The following DOCK4 variants were observed in gnomAD, a reference collection of about 807,000 sequenced individuals.
DOCK4 encodes the protein dedicator of cytokinesis protein 4.
A neutral mutation model predicts 268.1 loss-of-function variants in DOCK4; 97 were observed. The ratio of observed to expected loss-of-function variants is 0.36; its 90% CI spans 0.31 to 0.43. The LOEUF (loss-of-function observed/expected upper bound fraction) is 0.43, where lower values mean the gene tolerates loss of function less well. Among genes scored for constraint, DOCK4 ranks in the 20% least tolerant of loss-of-function variants. The probability of loss-of-function intolerance (pLI) is 1.00; values close to 1 mark genes in which losing one functional copy is unlikely to be tolerated. For synonymous variants in DOCK4, 954 were observed against 887.2 expected, an observed-to-expected ratio of 1.08 and a Z score of -1.34; for missense variants, 2,145 against 2,455.7, an observed-to-expected ratio of 0.87 and a Z score of 2.67.
intron 11 of DOCK4, among the ~76,000 whole-genome samples, chr7:111,936,526 A>T (rs1397793052): frequency 1.3e-5 from 2 of 152,024 alleles, no homozygotes; most frequent in Non-Finnish European, 2.9e-5. Context: ...GGATGGATGG[A>T]TGGACGGATG....
intron 1 of DOCK4, among the ~76,000 whole-genome samples, chr7:112,191,519 C>T (rs1234724774): frequency 6.6e-6 from 1 of 152,032 alleles, no homozygotes; most frequent in African/African-American, 2.4e-5. Flanking sequence ...AGTAAAAAGA[C>T]AACGTGGGGA....
At chr7:111,856,252 A>C (rs1274039833) in intron 23 of DOCK4, among the ~76,000 whole-genome samples, 1 of 152,238 alleles carries the variant, frequency 6.6e-6, no homozygotes, top group Non-Finnish European at 1.5e-5. Flanking sequence ...GAAACATAGT[A>C]AGAGAACTAA....
chr7:111,907,901 G>T (rs575548090), intron 13 of DOCK4, among the ~76,000 whole-genome samples: 102 of 152,030 alleles, frequency 6.7e-4, no homozygotes, highest in Middle Eastern at 3.4e-3. Context: ...GCTAATTTTT[G>T]TATTTTTTGT....
chr7:111,836,651 G>A (rs1803265488), intron 25 of DOCK4, among the ~76,000 whole-genome samples: 1 of 152,148 alleles, frequency 6.6e-6, no homozygotes, highest in Admixed American at 6.5e-5. Flanking sequence ...CTAGAGGAAA[G>A]ACTGAATATG....
At chr7:111,835,583 T>C (rs961166124) in intron 25 of DOCK4, among the ~76,000 whole-genome samples, 1 of 152,228 alleles carries the variant, frequency 6.6e-6, no homozygotes, top group Non-Finnish European at 1.5e-5. Context: ...AGCAAAGAAT[T>C]TATCTACTTT....
At chr7:111,926,299 G>A (rs575268577) in intron 12 of DOCK4, among the ~76,000 whole-genome samples, 159 of 145,124 alleles carry the variant, frequency 1.1e-3, no homozygotes, top group Middle Eastern at 3.6e-3. Context: ...GCATGGTGGC[G>A]CGCCGCCTGT....
chr7:112,092,038 C>G (rs935525120), intron 1 of DOCK4, among the ~76,000 whole-genome samples: 1 of 152,152 alleles, frequency 6.6e-6, no homozygotes, highest in Admixed American at 6.5e-5. Flanking sequence ...TAAGCAACCA[C>G]AGAGGCTTTT....
chr7:111,937,793 C>T (rs1794863277), intron 11 of DOCK4, among the ~76,000 whole-genome samples: 1 of 152,172 alleles, frequency 6.6e-6, no homozygotes, highest in African/African-American at 2.4e-5. Flanking sequence ...CAGTCCTGAC[C>T]TCAAATCTGC....
chr7:112,134,403 A>G (rs940341700), intron 1 of DOCK4, among the ~76,000 whole-genome samples: 6 of 152,170 alleles, frequency 3.9e-5, no homozygotes, highest in African/African-American at 1.4e-4. Flanking sequence ...GTTTTTACTT[A>G]TGTCTTTAAA....
At chr7:111,819,353 CTT>C (rs1360491456) in intron 27 of DOCK4, 1 of 152,210 alleles carries the variant, frequency 6.6e-6, no homozygotes, top group Non-Finnish European at 1.5e-5. Flanking sequence ...TAATTTTCAT[CTT>C]CCTTATGTTC....
chr7:111,921,287 G>A (rs1041134226), intron 12 of DOCK4, among the ~76,000 whole-genome samples: 2 of 152,152 alleles, frequency 1.3e-5, no homozygotes, highest in Non-Finnish European at 2.9e-5. Context: ...TTCAGCTTAC[G>A]GAGTGGTAGT....
intron 39 of DOCK4, 25 bp downstream of exon 39, chr7:111,765,093 G>T: frequency 3.3e-6 from 4 of 1,214,528 alleles, no homozygotes; most frequent in East Asian, 2.7e-5. Flanking sequence ...AGCTGTGAAA[G>T]CAAATTAAAT....
chr7:111,736,842 A>G (rs1316708525), intron 50 of DOCK4, 75 bp downstream of exon 50: 1 of 1,340,546 alleles, frequency 7.5e-7, no homozygotes, highest in Non-Finnish European at 1.0e-6. Flanking sequence ...CCACACAGAC[A>G]CACAGAAGAC....
intron 9 of DOCK4, 123 bp from the exon 10 acceptor site, chr7:111,944,994 T>C (rs1795505826): frequency 1.3e-6 from 1 of 778,838 alleles, no homozygotes; most frequent in Non-Finnish European, 2.2e-6. Context: ...GGAATGTTTG[T>C]AGCAGAAGTA....
chr7:111,953,163 G>A (rs1211114957), intron 8 of DOCK4, among the ~76,000 whole-genome samples: 1 of 151,490 alleles, frequency 6.6e-6, no homozygotes, highest in Non-Finnish European at 1.5e-5. Context: ...GGAGGCAGAG[G>A]TTGCAATGAG....
chr7:112,086,399 T>C (rs1469036570), intron 1 of DOCK4, among the ~76,000 whole-genome samples: 2 of 152,072 alleles, frequency 1.3e-5, no homozygotes, highest in African/African-American at 4.8e-5. Flanking sequence ...AATAGCTAAG[T>C]TTGGGAAAGG....
Position 111,758,775 on chromosome 7 carries a change from G to C in DOCK4, c.4178C>G (p.Ala1393Gly), listed in dbSNP as rs773286846. Residue 1393 changes from alanine (A) to glycine (G), a missense_variant, in exon 41 of 53, where the codon GCT becomes GGT. Ala to Gly is a moderately conservative substitution (Grantham distance 60). Coordinates refer to ENST00000428084, the MANE Select transcript of DOCK4 (RefSeq NM_001363540.2). The stretch of plus-strand genomic sequence containing the variant: ...CTGGCTCTCTGGAATGGGAGTCACA[G>C]CATATATCTGCAAATCTAGGATTCA... ...QAEAQYLQIY[A>G]VTPIPESQEV... is the part of the protein sequence containing the mutation. The C allele has an allele frequency of 6.2e-7, 1 of 1,613,640 alleles. No homozygotes were observed. The highest frequency in any genetic ancestry group is 1.3e-5 in the African/African-American group (1 of 74,912).
At chr7:111,894,925 T>C (rs1390494292) in intron 16 of DOCK4, among the ~76,000 whole-genome samples, 3 of 152,104 alleles carry the variant, frequency 2.0e-5, no homozygotes, top group South Asian at 2.1e-4. Flanking sequence ...CCAGTTATCA[T>C]AGGTGAGAGT....
chr7:111,896,626 T>A (rs1447087949), intron 15 of DOCK4, among the ~76,000 whole-genome samples: 1 of 152,130 alleles, frequency 6.6e-6, no homozygotes, highest in Non-Finnish European at 1.5e-5. Context: ...ATGGTTACTC[T>A]TTCACAAGTG....
Sources: allele counts gnomAD v4.1 joint callset (sites outside exome capture counted in the v4.1 genomes callset), GRCh38; gene constraint gnomAD v4.1.1; transcripts MANE v1.5; gene names NCBI Gene and HGNC (gene_info 2026-07-23, HGNC 2026-07-21).